The following BLMH variants were observed in gnomAD, a reference collection of about 807,000 sequenced individuals.
BLMH encodes bleomycin hydrolase, also known as BLM hydrolase.
A neutral mutation model predicts 61.6 loss-of-function variants in BLMH; 32 were observed. The ratio of observed to expected loss-of-function variants is 0.52; its 90% CI spans 0.39 to 0.70. The LOEUF (loss-of-function observed/expected upper bound fraction) is 0.70. Ranked by LOEUF, BLMH falls within the 30% of genes least tolerant of loss-of-function variation. BLMH has a pLI of 0.00. For synonymous variants in BLMH, 183 were observed against 193.8 expected (o/e 0.94, Z 0.46); for missense variants, 460 against 555.5 (o/e 0.83, Z 1.73).
At chr17:30,287,052 T>G (rs767776764) in intron 4 of BLMH, 150 bp from the exon 5 acceptor site, 23 of 613,578 alleles carry the variant, frequency 3.7e-5, no homozygotes, top group Non-Finnish European at 6.5e-5. Flanking sequence ...TTTTGTTTTT[T>G]GTTTTTTGTT....
rs1327394080 is a variant in BLMH, at chr17:30,291,814, G to A, written c.6C>T (p.Ser2=). The change falls in exon 1 of 12, where the codon AGC becomes AGT. Residue 2 remains serine (S), a synonymous_variant. Coordinates refer to ENST00000261714, the MANE Select transcript of BLMH (RefSeq NM_000386.4). The part of the protein sequence containing the change: M[S]SSGLNSEKVA... ...GGGACGGCGGCACCTCACCCGAGCT[G>A]CTCATGGCGCCCACGCTGCCCGGCG... The A allele has an allele frequency of 2.2e-6, 3 of 1,367,108 alleles. No individual in the cohort carries two copies. The highest frequency in any genetic ancestry group is 2.8e-6 in the Non-Finnish European group (3 of 1,064,842). 84.7% of individuals were successfully genotyped at this position (1,367,108 alleles called of 1,614,324 possible).
chr17:30,270,101 G>C (rs1366394046), intron 10 of BLMH, among the ~76,000 whole-genome samples: 2 of 152,200 alleles, frequency 1.3e-5, no homozygotes, highest in African/African-American at 4.8e-5. Flanking sequence ...AGGACTTTTA[G>C]ATAGGCTAGT....
intron 6 of BLMH, among the ~76,000 whole-genome samples, chr17:30,276,581 C>T (rs1186207378): frequency 1.3e-5 from 2 of 152,226 alleles, no homozygotes; most frequent in Non-Finnish European, 2.9e-5. Flanking sequence ...TTCCATTCTC[C>T]ATATCACCAC....
At chr17:30,291,555 G>T in intron 1 of BLMH, 47 bp from the exon 2 acceptor site, 1 of 1,598,612 alleles carries the variant, frequency 6.3e-7, no homozygotes, top group Non-Finnish European at 8.6e-7. Flanking sequence ...AGGGGGAAAG[G>T]GCTGATCTGG....
intron 2 of BLMH, among the ~76,000 whole-genome samples, chr17:30,290,139 G>C (rs1908844452): frequency 6.6e-6 from 1 of 152,102 alleles, no homozygotes; most frequent in Admixed American, 6.5e-5. Context: ...CTATTAGTTC[G>C]TCTTTACCTT....
chr17:30,290,353 G>A (rs1417253477), intron 2 of BLMH, among the ~76,000 whole-genome samples: 1 of 152,176 alleles, frequency 6.6e-6, no homozygotes, highest in East Asian at 1.9e-4. Context: ...AAACTATGTA[G>A]GACCACTGTG....
intron 6 of BLMH, among the ~76,000 whole-genome samples, chr17:30,275,029 A>G (rs1908380082): frequency 7.0e-6 from 1 of 141,852 alleles, no homozygotes; most frequent in African/African-American, 2.6e-5. Flanking sequence ...CTGAGGGCTG[A>G]GTCATGGTTT....
Position 30,248,524 on chromosome 17 carries a change from A to C in BLMH, c.*493T>G, listed in dbSNP as rs1209336493. 1 of 153,762 alleles carries C rather than the reference A, an allele frequency of 6.5e-6. No individual in the cohort carries two copies. The highest frequency in any genetic ancestry group is 2.4e-5 in the African/African-American group (1 of 41,448). 9.5% of individuals were successfully genotyped at this position (153,762 alleles called of 1,614,324 possible). A position where few individuals can be genotyped will look rare whatever the true frequency, so the allele number is the denominator to read the frequency against. On this transcript the variant is annotated 3_prime_UTR_variant, in exon 12 of 12. Coordinates refer to ENST00000261714, the MANE Select transcript of BLMH (RefSeq NM_000386.4). ...TTAGAGGCACAAGAAATTACCTTGA[A>C]AAAATGGAATTCAGTGACTGCCATC...
At chr17:30,250,436 T>C (rs950037455) in intron 11 of BLMH, among the ~76,000 whole-genome samples, 2 of 151,844 alleles carry the variant, frequency 1.3e-5, no homozygotes, top group African/African-American at 2.4e-5. Context: ...GCAAAGGACA[T>C]GAATAGACAA....
intron 11 of BLMH, among the ~76,000 whole-genome samples, chr17:30,255,111 T>C (rs902587084): frequency 2.0e-5 from 3 of 152,216 alleles, no homozygotes; most frequent in Non-Finnish European, 4.4e-5. Context: ...TAAATCTTCG[T>C]GCACAGCCTT....
chr17:30,288,011 A>C, intron 3 of BLMH, 64 bp from the exon 4 acceptor site: 1 of 1,469,506 alleles, frequency 6.8e-7, no homozygotes. Flanking sequence ...TATTGGCATT[A>C]TCAACAGAAT....
intron 6 of BLMH, among the ~76,000 whole-genome samples, chr17:30,278,872 T>C (rs1046132589): frequency 2.6e-5 from 4 of 152,234 alleles, no homozygotes; most frequent in Non-Finnish European, 4.4e-5. Context: ...GGTTTTGCCA[T>C]GTTGGCCAGG....
chr17:30,291,623 G>A, intron 1 of BLMH, 115 bp from the exon 2 acceptor site: 2 of 1,442,804 alleles, frequency 1.4e-6, no homozygotes, highest in Non-Finnish European at 9.4e-7. Flanking sequence ...CGCTGCAGCG[G>A]GGAAACCCAT....
chr17:30,271,433 G>T, intron 9 of BLMH, 45 bp from the exon 10 acceptor site: 2 of 1,501,612 alleles, frequency 1.3e-6, no homozygotes, highest in South Asian at 1.1e-5. Context: ...TACGATCATG[G>T]GGAAAACTGG....
chr17:30,277,881 T>G (rs1372208098), intron 6 of BLMH, among the ~76,000 whole-genome samples: 1 of 152,214 alleles, frequency 6.6e-6, no homozygotes, highest in Non-Finnish European at 1.5e-5. Context: ...TTTATAAATC[T>G]GAATTTTAAT....
At chr17:30,275,595 A>T (rs929228916) in intron 6 of BLMH, among the ~76,000 whole-genome samples, 35 of 151,108 alleles carry the variant, frequency 2.3e-4, no homozygotes, top group African/African-American at 7.8e-4. Context: ...CTGAGGCAGG[A>T]GAATCCCTTG....
In BLMH at chr17:30,272,774, T is replaced by C. The variant is rs1439164328; in HGVS notation, c.927A>G (p.Lys309=). ...CTTTGATGGAGGCAGCAACCATCTT[T>C]TTCAGGAAGTCAATGGGCTGGTTGT... ...LYNNQPIDFL[K]KMVAASIKDG... Residue 309 remains lysine, a synonymous_variant, in exon 8 of 12, where the codon AAA becomes AAG. Transcript: ENST00000261714. 5 of 1,614,192 alleles carry C rather than the reference T, an allele frequency of 3.1e-6. No homozygotes were observed. The highest frequency in any genetic ancestry group is 1.7e-5 in the Admixed American group (1 of 60,030).
At chr17:30,289,877 A>G (rs1908836431) in intron 2 of BLMH, among the ~76,000 whole-genome samples, 1 of 152,198 alleles carries the variant, frequency 6.6e-6, no homozygotes, top group Admixed American at 6.5e-5. Flanking sequence ...TATTGGGTAT[A>G]ACCTTTTTAC....
chr17:30,260,389 T>C (rs1907924383), intron 11 of BLMH, among the ~76,000 whole-genome samples: 1 of 152,220 alleles, frequency 6.6e-6, no homozygotes, highest in Non-Finnish European at 1.5e-5. Flanking sequence ...CTGAAGCAGA[T>C]GCCTCATTGC....
Sources: gnomAD v4.1 joint callset for allele counts (sites outside exome capture counted in the v4.1 genomes callset) on GRCh38, gnomAD v4.1.1 for gene constraint, MANE v1.5 for transcripts, NCBI Gene and HGNC (gene_info 2026-07-23, HGNC 2026-07-21) for gene names.